PITPNC1: variants seen among roughly 807,000 people sequenced by gnomAD.
PITPNC1 encodes cytoplasmic phosphatidylinositol transfer protein 1.
Under a neutral mutation model 44.7 loss-of-function variants are expected in PITPNC1, and 18 were observed. The ratio of observed to expected loss-of-function variants is 0.40; its 90% CI spans 0.28 to 0.60. The LOEUF (loss-of-function observed/expected upper bound fraction) is 0.60. Among genes scored for constraint, PITPNC1 ranks in the 20% least tolerant of loss-of-function variants. The pLI is 0.39. For missense variants in PITPNC1, 290 were observed against 418.4 expected, an observed-to-expected ratio of 0.69 and a Z score of 2.68; for synonymous variants, 141 against 149.6, an observed-to-expected ratio of 0.94 and a Z score of 0.42.
chr17:67,687,106 G>A, intron 8 of PITPNC1: 3 of 1,612,162 alleles, frequency 1.9e-6, no homozygotes, highest in Non-Finnish European at 2.5e-6. Context: ...AGAAAAACAT[G>A]CATGAACAAA....
intron 1 of PITPNC1, chr17:67,471,502 G>A (rs2039531601): frequency 1.5e-5 from 5 of 338,596 alleles, no homozygotes; most frequent in Non-Finnish European, 2.8e-5. Flanking sequence ...TATTAGGTTG[G>A]TGCAAAAGAA....
chr17:67,450,687 A>G (rs753868158), intron 1 of PITPNC1, among the ~76,000 whole-genome samples: 2 of 152,178 alleles, frequency 1.3e-5, no homozygotes, highest in African/African-American at 2.4e-5. Context: ...TCAGACTCCC[A>G]GAGTGCTGGG....
At chr17:67,535,735 CAAAG>C (rs1215478233) in intron 2 of PITPNC1, among the ~76,000 whole-genome samples, 5 of 152,084 alleles carry the variant, frequency 3.3e-5, no homozygotes, top group Non-Finnish European at 1.5e-5. Context: ...GAGCTCAAAA[CAAAG>C]AAAGGGAAAT....
At chr17:67,476,894 G>A (rs1182663747) in intron 1 of PITPNC1, among the ~76,000 whole-genome samples, 2 of 152,208 alleles carry the variant, frequency 1.3e-5, no homozygotes, top group South Asian at 2.1e-4. Context: ...TGAACCAGTC[G>A]CATCAGCATC....
intron 2 of PITPNC1, among the ~76,000 whole-genome samples, chr17:67,538,142 A>G (rs1441775500): frequency 6.6e-6 from 1 of 152,066 alleles, no homozygotes; most frequent in Non-Finnish European, 1.5e-5. Flanking sequence ...TCATGGAACA[A>G]AGTAGCCCCC....
chr17:67,404,696 T>G (rs1161943735), intron 1 of PITPNC1, among the ~76,000 whole-genome samples: 6 of 152,244 alleles, frequency 3.9e-5, no homozygotes, highest in Admixed American at 3.9e-4. Context: ...ACATATTTAA[T>G]ATTTTAATTG....
At chr17:67,511,755 C>T (rs886654788) in intron 1 of PITPNC1, among the ~76,000 whole-genome samples, 1 of 152,146 alleles carries the variant, frequency 6.6e-6, no homozygotes, top group Non-Finnish European at 1.5e-5. Flanking sequence ...ATGATCCACC[C>T]ACCTCAGCCT....
At chr17:67,457,984 G>C (rs1212007425) in intron 1 of PITPNC1, among the ~76,000 whole-genome samples, 1 of 152,160 alleles carries the variant, frequency 6.6e-6, no homozygotes, top group Non-Finnish European at 1.5e-5. Flanking sequence ...GCTCCCAGCT[G>C]ATGGCAGAAT....
At chr17:67,473,286 C>T (rs940561905) in intron 1 of PITPNC1, among the ~76,000 whole-genome samples, 5 of 152,056 alleles carry the variant, frequency 3.3e-5, no homozygotes, top group African/African-American at 1.2e-4. Flanking sequence ...CTACCCACCT[C>T]GGCCTCCTAA....
intron 4 of PITPNC1, among the ~76,000 whole-genome samples, chr17:67,561,830 A>G (rs1031967591): frequency 6.6e-6 from 1 of 152,208 alleles, no homozygotes; most frequent in Non-Finnish European, 1.5e-5. Flanking sequence ...TCCTGGGCTC[A>G]AGCAATCCTC....
At chr17:67,384,636 A>T (rs1333006407) in intron 1 of PITPNC1, among the ~76,000 whole-genome samples, 1 of 152,032 alleles carries the variant, frequency 6.6e-6, no homozygotes, top group Non-Finnish European at 1.5e-5. Flanking sequence ...CCTTTTAACC[A>T]GGATGGTCTC....
intron 1 of PITPNC1, among the ~76,000 whole-genome samples, chr17:67,488,399 CTG>C (rs1232063412): frequency 6.6e-6 from 1 of 152,148 alleles, no homozygotes; most frequent in Non-Finnish European, 1.5e-5. Flanking sequence ...TTACAAGGCT[CTG>C]TAACTCTTGG....
intron 5 of PITPNC1, among the ~76,000 whole-genome samples, chr17:67,628,235 A>G (rs1291087552): frequency 6.6e-6 from 1 of 152,026 alleles, no homozygotes; most frequent in African/African-American, 2.4e-5. Context: ...TTTGCAGCAC[A>G]TACTCCATTC....
chr17:67,577,405 T>C (rs2041164341), intron 4 of PITPNC1, among the ~76,000 whole-genome samples: 1 of 151,966 alleles, frequency 6.6e-6, no homozygotes, highest in Non-Finnish European at 1.5e-5. Context: ...CTGGCTAACA[T>C]GGAGAAACCC....
intron 1 of PITPNC1, among the ~76,000 whole-genome samples, chr17:67,519,736 C>T (rs2040302420): frequency 6.6e-6 from 1 of 152,286 alleles, no homozygotes; most frequent in East Asian, 1.9e-4. Flanking sequence ...TGGAGCTTCT[C>T]CTAAGTAGGG....
At chr17:67,632,332 C>A in intron 6 of PITPNC1, 94 bp downstream of exon 6, 1 of 785,066 alleles carries the variant, frequency 1.3e-6, no homozygotes, top group Non-Finnish European at 2.2e-6. Context: ...AGGATGCCAT[C>A]TCTCGTCGTG....
In PITPNC1 at chr17:67,552,855, T is replaced by C. The variant is rs555387572; in HGVS notation, c.286+510T>C. The stretch of plus-strand genomic sequence containing the variant: ...TGGAGAAGGAAGGTGAAGATCTTTA[T>C]AGAGACATTTCCAGAGGTTTTATGA... On this transcript the variant is annotated intron_variant, in intron 3 of 8. Transcript: ENST00000581322. 1.7e-4 allele frequency among the ~76,000 whole-genome samples: 26 copies of C among 151,496 alleles called. No homozygotes were observed. The South Asian group carries it at 5.2e-3, about 31-fold the overall frequency.
intron 5 of PITPNC1, among the ~76,000 whole-genome samples, chr17:67,580,515 GT>G (rs977029184): frequency 1.3e-5 from 2 of 151,630 alleles, no homozygotes; most frequent in Non-Finnish European, 2.9e-5. Flanking sequence ...TAATTTTTGT[GT>G]TTTTTTTAGA....
At chr17:67,539,081 CT>C (rs2040568986) in intron 2 of PITPNC1, among the ~76,000 whole-genome samples, 1 of 151,858 alleles carries the variant, frequency 6.6e-6, no homozygotes, top group Admixed American at 6.6e-5. Flanking sequence ...AAATTCCCAC[CT>C]TATTGGAAAA....
Sources: allele counts gnomAD v4.1 joint callset (sites outside exome capture counted in the v4.1 genomes callset), GRCh38; gene constraint gnomAD v4.1.1; transcripts MANE v1.5; gene names NCBI Gene and HGNC (gene_info 2026-07-23, HGNC 2026-07-21).